Variants in NOL4 observed in about 807,000 individuals in gnomAD.
NOL4 encodes the protein nucleolar protein 4.
A neutral mutation model predicts 75.9 loss-of-function variants in NOL4; 17 were observed. The ratio of observed to expected loss-of-function variants is 0.22; its 90% CI spans 0.15 to 0.34. The LOEUF is 0.34. NOL4 is among the 10% of genes least tolerant of loss of function. NOL4 has a pLI of 1.00. For missense variants in NOL4, 614 were observed against 793.5 expected, an observed-to-expected ratio of 0.77 and a Z score of 2.72; for synonymous variants, 292 against 289.9, an observed-to-expected ratio of 1.01 and a Z score of -0.07.
At chr18:33,975,561 CAGG>C (rs1182621525) in intron 6 of NOL4, among the ~76,000 whole-genome samples, 3 of 152,074 alleles carry the variant, frequency 2.0e-5, no homozygotes, top group Non-Finnish European at 2.9e-5. Context: ...ATCACGAGGT[CAGG>C]AGTTTGAGAC....
intron 6 of NOL4, among the ~76,000 whole-genome samples, chr18:33,981,565 GA>G (rs1295292768): frequency 6.6e-6 from 1 of 152,002 alleles, no homozygotes; most frequent in Admixed American, 6.6e-5. Context: ...CAGCTAACTA[GA>G]ATTCTGTATC....
At chr18:34,138,914 T>C (rs1169979019) in intron 1 of NOL4, among the ~76,000 whole-genome samples, 6 of 152,218 alleles carry the variant, frequency 3.9e-5, no homozygotes, top group African/African-American at 1.4e-4. Flanking sequence ...CAAAGGCCTT[T>C]TCTGCATCTA....
intron 1 of NOL4, chr18:34,221,142 T>C (rs192852696): frequency 1.8e-3 from 267 of 152,242 alleles, no homozygotes; most frequent in African/African-American, 6.0e-3. Flanking sequence ...TGTACCAATA[T>C]CCACGTGAAG....
chr18:34,067,299 T>C (rs937762720), intron 5 of NOL4, among the ~76,000 whole-genome samples: 2 of 152,308 alleles, frequency 1.3e-5, no homozygotes, highest in Middle Eastern at 3.4e-3. Flanking sequence ...AGTGTATTCC[T>C]GGCATGTTTG....
intron 5 of NOL4, among the ~76,000 whole-genome samples, chr18:34,028,616 T>C (rs2075472781): frequency 6.6e-6 from 1 of 152,184 alleles, no homozygotes; most frequent in Admixed American, 6.5e-5. Context: ...AAGGATTTCA[T>C]CTCTTGGAAT....
At chr18:33,868,211 ATT>A (rs74341988) in intron 10 of NOL4, among the ~76,000 whole-genome samples, 94 of 141,456 alleles carry the variant, frequency 6.6e-4, no homozygotes, top group Middle Eastern at 3.7e-3. Flanking sequence ...CACCTGGGTA[ATT>A]TTTTTTTTTT....
intron 5 of NOL4, among the ~76,000 whole-genome samples, chr18:34,074,616 A>C (rs1054964930): frequency 6.6e-6 from 1 of 152,016 alleles, no homozygotes; most frequent in African/African-American, 2.4e-5. Flanking sequence ...AATGGGGAAG[A>C]GGAATAAGTT....
intron 2 of NOL4, among the ~76,000 whole-genome samples, chr18:34,105,383 A>G (rs1024909431): frequency 1.3e-5 from 2 of 152,004 alleles, no homozygotes; most frequent in Non-Finnish European, 2.9e-5. Flanking sequence ...ACAAAAATCA[A>G]CCACATCTCG....
At chr18:34,203,717 T>TCTCTCTCTCTCTCTCA (rs1261546835) in intron 1 of NOL4, among the ~76,000 whole-genome samples, 1 of 72,302 alleles carries the variant, frequency 1.4e-5, no homozygotes, top group African/African-American at 5.0e-5. Flanking sequence ...TCTCTCTCTC[T>TCTCTCTCTCTCTCTCA]CACACACACA....
chr18:34,100,040 CTTTT>C (rs34923263), intron 4 of NOL4, among the ~76,000 whole-genome samples: 2 of 144,004 alleles, frequency 1.4e-5, no homozygotes, highest in Non-Finnish European at 3.0e-5. Context: ...CTTAGTCTTG[CTTTT>C]TTTTTTTTTT....
intron 8 of NOL4, among the ~76,000 whole-genome samples, chr18:33,945,814 G>A (rs889984124): frequency 6.6e-6 from 1 of 151,664 alleles, no homozygotes; most frequent in African/African-American, 2.4e-5. Context: ...AGGATCATAA[G>A]TTGACAACTC....
chr18:34,008,045 C>T (rs1332519653), intron 6 of NOL4, among the ~76,000 whole-genome samples: 3 of 151,942 alleles, frequency 2.0e-5, no homozygotes, highest in East Asian at 1.9e-4. Context: ...AGAATATCAC[C>T]TTCACCAATG....
Position 33,978,275 on chromosome 18 carries a change from A to AG in NOL4, c.1057-19858dup, listed in dbSNP as rs2071663577. ...TGCATATATCAAAGTGACTGATACC[A>AG]GTATATACCAGTACAGACAAAGAGT... On this transcript the variant is annotated intron_variant, in intron 6 of 10. Transcript: ENST00000261592. 2.0e-5 allele frequency among the ~76,000 whole-genome samples: 3 copies of AG among 152,318 alleles called. 1 individual carries two copies. In the South Asian group the frequency reaches 6.2e-4, roughly 32 times the overall value.
chr18:34,140,348 T>C (rs1184357770), intron 1 of NOL4, among the ~76,000 whole-genome samples: 11 of 152,226 alleles, frequency 7.2e-5, no homozygotes. Context: ...ACTTGCTTTA[T>C]GAATCTGGGT....
chr18:34,158,483 C>T (rs1478591583), intron 1 of NOL4: 1 of 152,104 alleles, frequency 6.6e-6, no homozygotes, highest in African/African-American at 2.4e-5. Context: ...TGACCTCAAA[C>T]ACAGATGGAT....
chr18:33,896,247 A>G (rs2065401982), intron 9 of NOL4, among the ~76,000 whole-genome samples: 1 of 152,172 alleles, frequency 6.6e-6, no homozygotes, highest in African/African-American at 2.4e-5. Context: ...TACAGATTCA[A>G]TGCTATTCCT....
intron 10 of NOL4, among the ~76,000 whole-genome samples, chr18:33,857,142 C>T (rs2062873573): frequency 6.6e-6 from 1 of 152,008 alleles, no homozygotes; most frequent in Admixed American, 6.6e-5. Context: ...GGTCAATACA[C>T]TGCAGATTAA....
intron 9 of NOL4, among the ~76,000 whole-genome samples, chr18:33,884,400 T>C (rs2064507286): frequency 6.6e-6 from 1 of 152,082 alleles, no homozygotes; most frequent in Non-Finnish European, 1.5e-5. Flanking sequence ...AGTTTTTTAT[T>C]TGTTTGCTCA....
intron 2 of NOL4, among the ~76,000 whole-genome samples, chr18:34,122,873 G>A (rs2080210301): frequency 1.3e-5 from 2 of 152,024 alleles, no homozygotes; most frequent in African/African-American, 4.8e-5. Flanking sequence ...CTCGATCTGA[G>A]TGAGAATCAC....
Sources: allele counts gnomAD v4.1 joint callset (sites outside exome capture counted in the v4.1 genomes callset), GRCh38; gene constraint gnomAD v4.1.1; transcripts MANE v1.5; gene names NCBI Gene and HGNC (gene_info 2026-07-23, HGNC 2026-07-21).